TGFBR3L: variants seen among roughly 807,000 people sequenced by gnomAD.
The protein encoded by TGFBR3L is transforming growth factor-beta receptor type 3-like protein.
In TGFBR3L, 21 loss-of-function variants were observed where a neutral mutation model predicts 20.4. That is an observed-to-expected ratio of 1.03 (90% CI 0.73 to 1.48). The LOEUF is 1.48. TGFBR3L is among the 40% of genes most tolerant of loss of function. The pLI is 0.00. For missense variants in TGFBR3L, 479 were observed against 498.0 expected (o/e 0.96, Z 0.36); for synonymous variants, 245 against 244.2 (o/e 1.00, Z -0.03).
At chr19:7,917,069 C>CA in intron 2 of TGFBR3L, 127 bp downstream of exon 3, 1 of 1,191,434 alleles carries the variant, frequency 8.4e-7, no homozygotes. Context: ...AGGTGGGGCG[C>CA]AAGGGTCCAT....
At chr19:7,918,839 G>A (rs1983445367) in intron 5 of TGFBR3L, 78 bp from the exon 7 acceptor site, 1 of 398,222 alleles carries the variant, frequency 2.5e-6, no homozygotes, top group Non-Finnish European at 4.4e-6. Flanking sequence ...ACCGATGGAA[G>A]AGGCTAGTGG....
chr19:7,915,083 TC>T lies in TGFBR3L; in HGVS notation c.-1183del. Among the ~76,000 whole-genome samples the T allele has an allele frequency of 6.6e-6, 1 of 152,304 alleles. No homozygotes were observed. Among genetic ancestry groups the T allele is most frequent in the South Asian group, 2.1e-4 (1 of 4,828 alleles). ...TCCGCCTCCCCGGTTCAAGTGATTCTCCTGCCTCAGCCTCCTGAGTAGCTGG... is the reference window on the plus strand; with the variant it reads ...TCCGCCTCCCCGGTTCAAGTGATTCTCTGCCTCAGCCTCCTGAGTAGCTGG... On this transcript the variant is annotated 5_prime_UTR_variant, in exon 1 of 6. Coordinates refer to ENST00000565886, the MANE Select transcript of TGFBR3L (RefSeq NM_001195259.2).
At position 7,916,244 on chromosome 19, in the gene TGFBR3L, G is replaced by C. The variant is rs535419894; in HGVS notation, c.-24G>C. 3.9e-6 allele frequency: 6 copies of C among 1,528,666 alleles called. No individual in the cohort carries two copies. Among genetic ancestry groups the C allele is most frequent in the Non-Finnish European group, 5.3e-6 (6 of 1,142,518 alleles). The allele number at this position is 1,528,666 out of a possible 1,614,324, so 94.7% of individuals were successfully genotyped here. A position where few individuals can be genotyped will look rare whatever the true frequency, so the allele number is the denominator to read the frequency against. On this transcript the variant is annotated 5_prime_UTR_variant, in exon 1 of 6. Coordinates refer to ENST00000565886, the MANE Select transcript of TGFBR3L (RefSeq NM_001195259.2). The stretch of plus-strand genomic sequence containing the variant: ...CGCCAGGGGGCACATCACCGTCAGG[G>C]GGGAAAGTGGCGCGGAGCCCATCAT...
Position 7,915,023 on chromosome 19 carries a change from G to A in TGFBR3L, c.-1245G>A, listed in dbSNP as rs1259963756. Among the ~76,000 whole-genome samples, 1 of 152,140 alleles carries A rather than the reference G, an allele frequency of 6.6e-6. No individual in the cohort carries two copies. The highest frequency in any genetic ancestry group is 1.5e-5 in the Non-Finnish European group (1 of 68,022). ...GGAGTCTTGCTCTGCCACGCAGGCT[G>A]GAGTGCAGTGGCGCAATCTCCACTC... On this transcript the variant is annotated 5_prime_UTR_variant, in exon 1 of 6. Coordinates refer to ENST00000565886, the MANE Select transcript of TGFBR3L (RefSeq NM_001195259.2).
chr19:7,916,603 T>C lies in TGFBR3L; in HGVS notation c.277-19T>C. On this transcript the variant is annotated intron_variant, in intron 1 of 5. Transcript: ENST00000565886. ...GCCGGTGGGGACGGGCGATCCCTGATGGCGCCTCCGTCCCCCAGGCGGCCT... is the reference window on the plus strand; with the variant it reads ...GCCGGTGGGGACGGGCGATCCCTGACGGCGCCTCCGTCCCCCAGGCGGCCT... 7.0e-7 allele frequency: 1 copy of C among 1,428,460 alleles called. No individual in the cohort carries two copies. Among genetic ancestry groups the C allele is most frequent in the Non-Finnish European group, 9.1e-7 (1 of 1,099,854 alleles). 88.5% of individuals were successfully genotyped at this position (1,428,460 alleles called of 1,614,324 possible).
chr19:7,916,034 C>A lies in TGFBR3L; in HGVS notation c.-234C>A, dbSNP rs1340454609. ...GAAAGGGGAGCCGCCTGTCCTGCTG[C>A]GTCCCCAAGAGCAGCCCTGGGGAAG... On this transcript the variant is annotated 5_prime_UTR_variant, in exon 1 of 6. Transcript: ENST00000565886. The A allele has an allele frequency of 2.8e-6, 2 of 703,114 alleles. No homozygotes were observed. The highest frequency in any genetic ancestry group is 4.5e-6 in the Non-Finnish European group (2 of 443,396). 43.6% of individuals were successfully genotyped at this position (703,114 alleles called of 1,614,324 possible).
Position 7,917,601 on chromosome 19 carries a change from T to A in TGFBR3L, c.724+2T>A. 1 of 1,473,840 alleles carries A rather than the reference T, an allele frequency of 6.8e-7. No individual in the cohort carries two copies. The highest frequency in any genetic ancestry group is 9.0e-7 in the Non-Finnish European group (1 of 1,114,508). 91.3% of individuals were successfully genotyped at this position (1,473,840 alleles called of 1,614,324 possible). On this transcript the variant is annotated splice_donor_variant, in intron 3 of 5. Coordinates refer to ENST00000565886, the MANE Select transcript of TGFBR3L (RefSeq NM_001195259.2). LOFTEE classifies it high-confidence loss of function. ...TCACCGTGCCGCGGCCGCCCCCCAG[T>A]GAGCACGCAGTCCTCCTCCGCATGG...
At chr19:7,917,924 C>G (rs1398589899) in intron 4 of TGFBR3L, 65 bp downstream of exon 5, 13 of 1,382,800 alleles carry the variant, frequency 9.4e-6, no homozygotes, top group African/African-American at 3.1e-5. Flanking sequence ...CCGGGGCGGC[C>G]GCGATCCCGC....
rs1983403864 is a variant in TGFBR3L, at chr19:7,918,149, G to A, written c.*5+20G>A. The A allele has an allele frequency of 3.3e-6, 5 of 1,534,610 alleles. No homozygotes were observed. Among genetic ancestry groups the A allele is most frequent in the East Asian group, 2.4e-5 (1 of 40,900 alleles). On this transcript the variant is annotated intron_variant, in intron 5 of 5. Coordinates refer to ENST00000565886, the MANE Select transcript of TGFBR3L (RefSeq NM_001195259.2). ...AGGAAGGTAGGTATGGAGGTGGAGG[G>A]AGCTGGGTGAGGTAGGAGATCTGAC...
Position 7,916,498 on chromosome 19 carries a change from C to T in TGFBR3L, c.231C>T (p.Arg77=). The change falls in exon 1 of 6, where the codon CGC becomes CGT. Residue 77 remains arginine, a synonymous_variant. Coordinates refer to ENST00000565886, the MANE Select transcript of TGFBR3L (RefSeq NM_001195259.2). ...ACACAGAGGACGTCTTTCCTCGCCG[C>T]GCGGGGCCGCTCGAGGTCCCGGCCG... 1.3e-6 allele frequency: 2 copies of T among 1,520,006 alleles called. No homozygotes were observed. The highest frequency in any genetic ancestry group is 1.8e-6 in the Non-Finnish European group (2 of 1,136,336). 94.2% of individuals were successfully genotyped at this position (1,520,006 alleles called of 1,614,324 possible).
rs1299892778 is a variant in TGFBR3L, at chr19:7,916,868, C to T, written c.523C>T (p.Arg175Cys). ...GCAGTTCCTGCACTGCCAGCTGAGCCGCTGCCGCCGCCTCCGGGGAGTCCG... is the reference window on the plus strand; with the variant it reads ...GCAGTTCCTGCACTGCCAGCTGAGCTGCTGCCGCCGCCTCCGGGGAGTCCG... The change falls in exon 2 of 6, where the codon CGC becomes TGC. Residue 175 changes from arginine (R) to cysteine (C), a missense_variant. Physicochemically the swap from Arg to Cys is radical, Grantham distance 180. Transcript: ENST00000565886. 1.4e-6 allele frequency: 2 copies of T among 1,386,958 alleles called. No individual in the cohort carries two copies. The highest frequency in any genetic ancestry group is 2.9e-5 in the Admixed American group (1 of 34,984). The allele number at this position is 1,386,958 out of a possible 1,614,324, so 85.9% of individuals were successfully genotyped here.
chr19:7,916,545 TGGGGACCCC>T lies in TGFBR3L; in HGVS notation c.276+9_276+17del, dbSNP rs1299063956. ...GCCGACAGCCGCGTGTTCGTGCAGG[TGGGGACCCC>T]GGGGACACCAGGGGCGGATGGGGGC... On this transcript the variant is annotated splice_donor_5th_base_variant and intron_variant, in intron 1 of 5. Transcript: ENST00000565886. 1 of 1,483,494 alleles carries T rather than the reference TGGGGACCCC, an allele frequency of 6.7e-7. No homozygotes were observed. The highest frequency in any genetic ancestry group is 2.2e-5 in the Admixed American group (1 of 44,746). 91.9% of individuals were successfully genotyped at this position (1,483,494 alleles called of 1,614,324 possible). A position where few individuals can be genotyped will look rare whatever the true frequency, so the allele number is the denominator to read the frequency against.
Position 7,919,092 on chromosome 19 carries a change from G to A in TGFBR3L, c.*181G>A. 2.5e-6 allele frequency: 1 copy of A among 398,792 alleles called. No individual in the cohort carries two copies. Among genetic ancestry groups the A allele is most frequent in the Non-Finnish European group, 4.4e-6 (1 of 226,168 alleles). The allele number at this position is 398,792 out of a possible 1,614,324, so 24.7% of individuals were successfully genotyped here. A position where few individuals can be genotyped will look rare whatever the true frequency, so the allele number is the denominator to read the frequency against. On this transcript the variant is annotated 3_prime_UTR_variant, in exon 6 of 6. Transcript: ENST00000565886. ...CTCAAAATAAACCTCTGGACTGACC[G>A]GCTAAGTTCTGGTGCAGTCAGTGAG...
rs987226359 is a variant in TGFBR3L at position 7,915,381 on chromosome 19, A to G, written c.-887A>G. Among the ~76,000 whole-genome samples the G allele has an allele frequency of 6.6e-6, 1 of 152,148 alleles. No homozygotes were observed. Among genetic ancestry groups the G allele is most frequent in the Non-Finnish European group, 1.5e-5 (1 of 68,022 alleles). ...CTGTCCCCCATCCCAAGGGTGGCTC[A>G]CATCCCCACTTCGGCAAAGCTCCCT... On this transcript the variant is annotated 5_prime_UTR_variant, in exon 1 of 6. Coordinates refer to ENST00000565886, the MANE Select transcript of TGFBR3L (RefSeq NM_001195259.2).
Position 7,917,808 on chromosome 19 carries a change from G to A in TGFBR3L, c.832G>A (p.Val278Met), listed in dbSNP as rs1041400444. ...GGTGGCGCTGGTGTTGGCAGCCTTCGTGCTGGGCGCCGCGCTGGCCGCCGG... is the reference window on the plus strand; with the variant it reads ...GGTGGCGCTGGTGTTGGCAGCCTTCATGCTGGGCGCCGCGCTGGCCGCCGG... The change falls in exon 4 of 6, where the codon GTG becomes ATG. Residue 278 changes from valine to methionine, a missense_variant. Coordinates refer to ENST00000565886, the MANE Select transcript of TGFBR3L (RefSeq NM_001195259.2). 4.2e-6 allele frequency: 6 copies of A among 1,412,954 alleles called. No individual in the cohort carries two copies. The highest frequency in any genetic ancestry group is 3.0e-5 in the East Asian group (1 of 33,474). The allele number at this position is 1,412,954 out of a possible 1,614,324, so 87.5% of individuals were successfully genotyped here.
chr19:7,917,279 T>C (rs916060530), intron 2 of TGFBR3L, among the ~76,000 whole-genome samples, 194 bp from the exon 4 acceptor site: 4 of 151,950 alleles, frequency 2.6e-5, no homozygotes, highest in Admixed American at 2.6e-4. Context: ...TTGGGGTCCT[T>C]AGGGGCTGGG....
Position 7,916,148 on chromosome 19 carries a change from T to C in TGFBR3L, c.-120T>C. On this transcript the variant is annotated 5_prime_UTR_variant, in exon 1 of 6. Transcript: ENST00000565886. The stretch of plus-strand genomic sequence containing the variant: ...CCGCCCCAGGGAGGGCTTCGCCAGC[T>C]TCGGAGGCTTCTCTAGGGGCGCATG... 1 of 1,437,124 alleles carries C rather than the reference T, an allele frequency of 7.0e-7. No homozygotes were observed. Among genetic ancestry groups the C allele is most frequent in the East Asian group, 2.5e-5 (1 of 39,752 alleles). 89.0% of individuals were successfully genotyped at this position (1,437,124 alleles called of 1,614,324 possible).
rs1285231050 is a variant in TGFBR3L at position 7,915,190 on chromosome 19, G to T, written c.-1078G>T. On this transcript the variant is annotated 5_prime_UTR_variant, in exon 1 of 6. Coordinates refer to ENST00000565886, the MANE Select transcript of TGFBR3L (RefSeq NM_001195259.2). ...GCGTTTCCCCATGTTGGCCAGGCTG[G>T]TCTCGAACTCCTGACCTCAGGCGAT... Among the ~76,000 whole-genome samples the T allele has an allele frequency of 2.0e-5, 3 of 152,138 alleles. No individual in the cohort carries two copies.
intron 2 of TGFBR3L, 132 bp from the exon 4 acceptor site, chr19:7,917,341 C>A: frequency 1.5e-6 from 2 of 1,333,134 alleles, no homozygotes; most frequent in Non-Finnish European, 2.0e-6. Context: ...CCTAAGGGGC[C>A]GGATTTCCAG....
Sources: allele counts gnomAD v4.1 joint callset (sites outside exome capture counted in the v4.1 genomes callset), GRCh38; gene constraint gnomAD v4.1.1; transcripts MANE v1.5; gene names NCBI Gene and HGNC (gene_info 2026-07-23, HGNC 2026-07-21).